Variants in MCUB observed in about 807,000 individuals in gnomAD.
MCUB encodes the protein mitochondrial calcium uniporter dominant negative subunit beta, also known as calcium uniporter regulatory subunit MCUb, mitochondrial.
A neutral mutation model predicts 41.4 loss-of-function variants in MCUB; 46 were observed. The observed-to-expected ratio is 1.11, with a 90% confidence interval of 0.88 to 1.42. The LOEUF is 1.42. Among genes scored for constraint, MCUB ranks in the 40% most tolerant of loss-of-function variants. The pLI is 0.00. For missense variants in MCUB, 403 were observed against 404.9 expected (o/e 1.00, Z 0.04); for synonymous variants, 148 against 148.2 (o/e 1.00, Z 0.01).
At chr4:109,648,660 GT>G (rs1390309218) in intron 1 of MCUB, 1 of 427,924 alleles carries the variant, frequency 2.3e-6, no homozygotes, top group Non-Finnish European at 4.6e-6. Flanking sequence ...GCAAGTAAGA[GT>G]TCATCAAAAG....
intron 1 of MCUB, among the ~76,000 whole-genome samples, chr4:109,597,466 C>G (rs1727591840): frequency 7.1e-6 from 1 of 141,500 alleles, no homozygotes. Flanking sequence ...GGGGCTGACC[C>G]CCCCACCTCC....
At chr4:109,592,061 TTTAA>T (rs1727448971) in intron 1 of MCUB, among the ~76,000 whole-genome samples, 1 of 152,160 alleles carries the variant, frequency 6.6e-6, no homozygotes, top group African/African-American at 2.4e-5. Context: ...TTTCTGCTGT[TTTAA>T]TTCTTTAATT....
intron 4 of MCUB, among the ~76,000 whole-genome samples, chr4:109,669,173 T>C (rs1176693291): frequency 1.3e-5 from 2 of 152,204 alleles, no homozygotes; most frequent in Non-Finnish European, 2.9e-5. Flanking sequence ...CTTGCTTTTC[T>C]CTGAAGAACT....
rs527641256 is a variant in MCUB, at chr4:109,688,262, T to G, written c.*670T>G. On this transcript the variant is annotated 3_prime_UTR_variant, in exon 8 of 8. Coordinates refer to ENST00000394650, the MANE Select transcript of MCUB (RefSeq NM_017918.5). ...TAACAAAACAGTATTATTCAGATTC[T>G]ATATCATATTAATAAGAATTGAACC... 1.2e-4 allele frequency: 18 copies of G among 152,376 alleles called. No homozygotes were observed. The highest frequency in any genetic ancestry group is 2.1e-4 in the Non-Finnish European group (14 of 68,050). 9.4% of individuals were successfully genotyped at this position (152,376 alleles called of 1,614,324 possible). A position where few individuals can be genotyped will look rare whatever the true frequency, so the allele number is the denominator to read the frequency against.
At chr4:109,624,445 G>C (rs2126136322) in intron 1 of MCUB, among the ~76,000 whole-genome samples, 1 of 152,314 alleles carries the variant, frequency 6.6e-6, no homozygotes, top group South Asian at 2.1e-4. Context: ...TGCATGAATG[G>C]CATTTGGAAA....
intron 1 of MCUB, among the ~76,000 whole-genome samples, chr4:109,622,585 C>A (rs1428579806): frequency 6.6e-6 from 1 of 152,160 alleles, no homozygotes; most frequent in African/African-American, 2.4e-5. Context: ...AAGTGAGGAT[C>A]CTCTGAGGCA....
chr4:109,674,098 G>A (rs1175750176), intron 4 of MCUB: 13 of 1,462,016 alleles, frequency 8.9e-6, no homozygotes, highest in African/African-American at 1.4e-5. Context: ...CATGTATCGG[G>A]AATTCTGGGC....
At chr4:109,573,174 T>G (rs1726952796) in intron 1 of MCUB, among the ~76,000 whole-genome samples, 1 of 152,062 alleles carries the variant, frequency 6.6e-6, no homozygotes, top group African/African-American at 2.4e-5. Context: ...AGGAACAGAT[T>G]GGGCACGGTG....
chr4:109,636,365 C>A (rs1158851294), intron 1 of MCUB, among the ~76,000 whole-genome samples: 1 of 152,040 alleles, frequency 6.6e-6, no homozygotes, highest in African/African-American at 2.4e-5. Flanking sequence ...GTTGAAGCAA[C>A]GTGACTAGAT....
intron 1 of MCUB, among the ~76,000 whole-genome samples, chr4:109,566,019 TTTTG>T (rs531400290): frequency 8.4e-4 from 127 of 151,836 alleles, no homozygotes; most frequent in Middle Eastern, 3.4e-3. Flanking sequence ...ATTTTTTGTG[TTTTG>T]TTTGTTTGTT....
intron 1 of MCUB, among the ~76,000 whole-genome samples, chr4:109,619,434 G>A (rs995050754): frequency 2.6e-5 from 4 of 152,242 alleles, no homozygotes; most frequent in East Asian, 3.9e-4. Flanking sequence ...AAGGCTGGGC[G>A]TGGTGGCTCA....
intron 4 of MCUB, among the ~76,000 whole-genome samples, chr4:109,664,821 T>G (rs1729308926): frequency 6.6e-6 from 1 of 152,198 alleles, no homozygotes; most frequent in Non-Finnish European, 1.5e-5. Flanking sequence ...TATACTCTTT[T>G]TAGACTTTCA....
chr4:109,642,880 T>C (rs191738535), intron 1 of MCUB, among the ~76,000 whole-genome samples: 45 of 145,092 alleles, frequency 3.1e-4, no homozygotes, highest in African/African-American at 1.1e-3. Context: ...TGATATACAG[T>C]ACTCTCAGCT....
Position 109,626,465 on chromosome 4 carries a change from A to G in MCUB, c.100-32546A>G, listed in dbSNP as rs1229036149. ...CATAGATAAATAGTTATAATTCAGA[A>G]TACACAGACTCATGAAAAGTCCATT... On this transcript the variant is annotated intron_variant, in intron 1 of 7. Transcript: ENST00000394650. Among the ~76,000 whole-genome samples the G allele has an allele frequency of 2.0e-5, 3 of 152,262 alleles. No homozygotes were observed. The South Asian group carries it at 6.2e-4, about 32-fold the overall frequency.
intron 1 of MCUB, among the ~76,000 whole-genome samples, chr4:109,564,698 G>T (rs940868217): frequency 6.6e-6 from 1 of 152,160 alleles, no homozygotes; most frequent in Non-Finnish European, 1.5e-5. Context: ...AACACATCTG[G>T]AAGTTTATGA....
intron 1 of MCUB, among the ~76,000 whole-genome samples, chr4:109,580,055 A>G (rs1727133294): frequency 6.6e-6 from 1 of 151,978 alleles, no homozygotes; most frequent in South Asian, 2.1e-4. Flanking sequence ...ACAGGCCCCA[A>G]GGTGTGGTGT....
At chr4:109,607,747 C>G (rs1033305086) in intron 1 of MCUB, among the ~76,000 whole-genome samples, 1 of 152,186 alleles carries the variant, frequency 6.6e-6, no homozygotes, top group Non-Finnish European at 1.5e-5. Context: ...ACTGAAAAGT[C>G]TGCTGCTAGA....
At chr4:109,598,138 A>C (rs1217177930) in intron 1 of MCUB, among the ~76,000 whole-genome samples, 1 of 143,608 alleles carries the variant, frequency 7.0e-6, no homozygotes, top group African/African-American at 2.6e-5. Flanking sequence ...GGGGCTCCTC[A>C]CATCCCAGAC....
intron 4 of MCUB, among the ~76,000 whole-genome samples, chr4:109,669,690 C>T (rs1474704098): frequency 2.0e-5 from 3 of 148,220 alleles, no homozygotes; most frequent in African/African-American, 7.6e-5. Context: ...CTTAGATGTT[C>T]TGTTCTGGTT....
Sources: allele counts gnomAD v4.1 joint callset (sites outside exome capture counted in the v4.1 genomes callset), GRCh38; gene constraint gnomAD v4.1.1; transcripts MANE v1.5; gene names NCBI Gene and HGNC (gene_info 2026-07-23, HGNC 2026-07-21).